Variants in DOK7 observed in about 807,000 individuals in gnomAD.
DOK7 encodes protein Dok-7.
Under a neutral mutation model 30.7 loss-of-function variants are expected in DOK7, and 32 were observed. The observed-to-expected ratio is 1.04, with a 90% CI of 0.79 to 1.40. DOK7 has a LOEUF of 1.40. Among genes scored for constraint, DOK7 ranks in the 40% most tolerant of loss-of-function variants. The pLI, the probability that DOK7 is intolerant of heterozygous loss-of-function variation, is 0.00. For synonymous variants in DOK7, 447 were observed against 324.1 expected, an observed-to-expected ratio of 1.38 and a Z score of -4.07; for missense variants, 1,007 against 699.2, an observed-to-expected ratio of 1.44 and a Z score of -4.97.
At chr4:3,464,909 G>A (rs191565597) in intron 2 of DOK7, among the ~76,000 whole-genome samples, 3 of 152,336 alleles carry the variant, frequency 2.0e-5, no homozygotes, top group East Asian at 1.9e-4. Context: ...CAATCTGTGA[G>A]TCTGTAGGTG....
chr4:3,487,205 T>C (rs1219279361), intron 5 of DOK7, among the ~76,000 whole-genome samples: 2 of 140,592 alleles, frequency 1.4e-5, no homozygotes, highest in African/African-American at 5.2e-5. Flanking sequence ...TGCAGGTGTG[T>C]GGGGGCCTCA....
chr4:3,486,771 T>C (rs1278306898), intron 5 of DOK7, among the ~76,000 whole-genome samples: 1 of 151,478 alleles, frequency 6.6e-6, no homozygotes, highest in Non-Finnish European at 1.5e-5. Context: ...TGCAGGCAGG[T>C]GTGGATGGTG....
intron 6 of DOK7, chr4:3,500,185 G>C: frequency 6.6e-7 from 1 of 1,511,418 alleles, no homozygotes; most frequent in South Asian, 1.2e-5. Context: ...GCTCTTTACT[G>C]CACAATCTTT....
intron 6 of DOK7, chr4:3,500,199 A>C: frequency 6.6e-7 from 1 of 1,524,152 alleles, no homozygotes; most frequent in South Asian, 1.2e-5. Flanking sequence ...AATCTTTGAG[A>C]TCTGTGCCCC....
intron 5 of DOK7, among the ~76,000 whole-genome samples, chr4:3,486,223 G>A (rs957627035): frequency 2.0e-5 from 3 of 152,198 alleles, no homozygotes; most frequent in Non-Finnish European, 4.4e-5. Context: ...CTCTCTGCAG[G>A]AGTCCTTGGC....
chr4:3,489,603 G>C, intron 5 of DOK7, 74 bp from the exon 6 acceptor site: 1 of 1,549,538 alleles, frequency 6.5e-7, no homozygotes, highest in Non-Finnish European at 8.7e-7. Flanking sequence ...ACTGAGTCAG[G>C]CTGGGCCTGG....
exon 7 of DOK7, chr4:3,500,389 G>C: frequency 1.3e-6 from 2 of 1,535,944 alleles, no homozygotes; most frequent in Non-Finnish European, 1.7e-6. Flanking sequence ...CAGGAGGCCA[G>C]CGAGGGTGTC....
intron 4 of DOK7, among the ~76,000 whole-genome samples, chr4:3,478,537 G>A (rs1320144634): frequency 1.0e-5 from 1 of 96,476 alleles, no homozygotes; most frequent in African/African-American, 4.9e-5. Context: ...AACCGGGCTG[G>A]CCCCACAGAA....
At chr4:3,486,940 A>G (rs1727841329) in intron 5 of DOK7, among the ~76,000 whole-genome samples, 1 of 152,034 alleles carries the variant, frequency 6.6e-6, no homozygotes, top group African/African-American at 2.4e-5. Flanking sequence ...AGCAGAGGGA[A>G]GCAGGGAAGC....
At chr4:3,469,141 ATG>A (rs1283932756) in intron 2 of DOK7, among the ~76,000 whole-genome samples, 13 of 136,112 alleles carry the variant, frequency 9.6e-5, no homozygotes, top group South Asian at 4.8e-4. Context: ...GTGTGCGTGT[ATG>A]TGTCTGTGTA....
chr4:3,478,592 G>A (rs931937953), intron 4 of DOK7, among the ~76,000 whole-genome samples: 2 of 145,844 alleles, frequency 1.4e-5, no homozygotes, highest in African/African-American at 2.6e-5. Flanking sequence ...ACCCGCAAAC[G>A]GGGGCTGGCC....
chr4:3,472,078 C>T (rs922223065), intron 2 of DOK7, among the ~76,000 whole-genome samples: 19 of 152,230 alleles, frequency 1.2e-4, no homozygotes, highest in Admixed American at 2.0e-4. Context: ...GCATGCTTGC[C>T]CTCTGGCCCC....
chr4:3,480,545 T>G lies in DOK7; in HGVS notation c.532+4003T>G, dbSNP rs936491283. Reference sequence around the variant, plus strand: ...ATCACTTGAACCTGGGAGTTGGAGGTTGCAGTGAGCTGAGATCCCGCCATT... The same window carrying G: ...ATCACTTGAACCTGGGAGTTGGAGGGTGCAGTGAGCTGAGATCCCGCCATT... On this transcript the variant is annotated intron_variant, in intron 4 of 6. Coordinates refer to ENST00000340083, the MANE Select transcript of DOK7 (RefSeq NM_173660.5). Among the ~76,000 whole-genome samples, 184 of 152,116 alleles carry G rather than the reference T, an allele frequency of 1.2e-3. 2 individuals carry two copies. Among genetic ancestry groups the G allele is most frequent in the Non-Finnish European group, 3.4e-4 (23 of 67,966 alleles).
At chr4:3,498,513 C>T (rs865800033), downstream of DOK7, among the ~76,000 whole-genome samples, 2 of 152,320 alleles carry the variant, frequency 1.3e-5, no homozygotes, top group African/African-American at 4.8e-5. Flanking sequence ...GGGTGTCCAG[C>T]CCCACCGTGG....
chr4:3,495,731 C>G (rs939519648), downstream of DOK7, among the ~76,000 whole-genome samples: 6 of 152,120 alleles, frequency 3.9e-5, no homozygotes, highest in African/African-American at 1.4e-4. Context: ...CCTGGCCAGG[C>G]AGGGGACAGG....
chr4:3,497,155 A>T (rs543283754), downstream of DOK7, among the ~76,000 whole-genome samples: 129 of 151,930 alleles, frequency 8.5e-4, no homozygotes, highest in African/African-American at 2.8e-3. Context: ...AGGCTGCTGG[A>T]GGATGGACTG....
rs377328545 is a variant in DOK7, at chr4:3,491,449, C to T, written c.773-1310C>T. Among the ~76,000 whole-genome samples the T allele has an allele frequency of 1.9e-3, 271 of 139,884 alleles. 2 individuals are homozygous for T. Among genetic ancestry groups the T allele is most frequent in the African/African-American group, 6.4e-3 (249 of 38,868 alleles). The allele number at this position is 139,884 out of a possible 152,430, so 91.8% of individuals were successfully genotyped here. ...TCCCCTGCTCATTCATTTCTTTCTT[C>T]TCTCCCTACTCAATTTCTCTCTCAC... On this transcript the variant is annotated intron_variant, in intron 6 of 6. Coordinates refer to ENST00000340083, the MANE Select transcript of DOK7 (RefSeq NM_173660.5).
downstream of DOK7, among the ~76,000 whole-genome samples, chr4:3,495,833 G>C (rs185025706): frequency 1.3e-3 from 193 of 152,300 alleles, 2 homozygotes; most frequent in Admixed American, 3.9e-3. Flanking sequence ...TCAGGAGCCT[G>C]TGTATGTGAT....
rs1553844286 is a variant in DOK7, at chr4:3,463,459, G to GGGGGCGC, written c.54+33_54+34insGCGCGGG. The GGGGGCGC allele has an allele frequency of 1.3e-4, 192 of 1,424,012 alleles. 1 individual carries two copies. In the East Asian group the frequency reaches 5.6e-3, roughly 41 times the overall value. 88.2% of individuals were successfully genotyped at this position (1,424,012 alleles called of 1,614,324 possible). ...GGGCGCGTCGGGGGCGCGGGGGGGG[G>GGGGGCGC]GGGCGCGGGCGCGGGCGGCGGCTCA... On this transcript the variant is annotated intron_variant, in intron 1 of 6. Transcript: ENST00000340083.
Sources: gnomAD v4.1 joint callset for allele counts (sites outside exome capture counted in the v4.1 genomes callset) on GRCh38, gnomAD v4.1.1 for gene constraint, MANE v1.5 for transcripts, NCBI Gene and HGNC (gene_info 2026-07-23, HGNC 2026-07-21) for gene names.